DLG3: variants seen among roughly 807,000 people sequenced by gnomAD.
DLG3 encodes the protein disks large homolog 3.
Under a neutral mutation model 64.1 loss-of-function variants are expected in DLG3, and 1 was observed. That is an observed-to-expected ratio of 0.02 (90% CI 0.01 to 0.07). The LOEUF is 0.07. Ranked by LOEUF, DLG3 falls within the 10% of genes least tolerant of loss-of-function variation. DLG3 has a pLI of 1.00. For synonymous variants in DLG3, 245 were observed against 259.8 expected, an observed-to-expected ratio of 0.94 and a Z score of 0.55; for missense variants, 429 against 669.5, an observed-to-expected ratio of 0.64 and a Z score of 3.96.
chrX:70,449,892 G>C, intron 4 of DLG3, 33 bp downstream of exon 4: 5 of 1,164,467 alleles, frequency 4.3e-6, no homozygotes, highest in South Asian at 1.9e-5. Flanking sequence ...GCTCCAGCCA[G>C]AGCCTTAGGC....
Position 70,450,185 on chromosome X carries a change from T to C in DLG3, c.720T>C (p.Ile240=). The change falls in exon 5 of 19, where the codon ATT becomes ATC. Residue 240 remains isoleucine, a synonymous_variant. Transcript: ENST00000374360. The part of the protein sequence containing the change: ...LKGPKGLGFS[I]AGGIGNQHIP... ...CCCGCTCAGGCCTGGGTTTCAGCAT[T>C]GCTGGGGGTATTGGCAACCAGCACA... 8.3e-7 allele frequency: 1 copy of C among 1,211,022 alleles called. No homozygotes were observed.
chrX:70,501,285 G>A (rs996643434), intron 18 of DLG3, among the ~76,000 whole-genome samples: 3 of 110,264 alleles, frequency 2.7e-5, no homozygotes, highest in African/African-American at 6.6e-5. Flanking sequence ...GTCTCCCTCC[G>A]TTTCAGCTCC....
intron 2 of DLG3, 38 bp from the exon 3 acceptor site, chrX:70,449,319 TCA>T (rs2086595558): frequency 8.3e-7 from 1 of 1,208,845 alleles, no homozygotes; most frequent in African/African-American, 1.8e-5. Flanking sequence ...CTTTGTGCCC[TCA>T]GAGTGAACAG....
chrX:70,492,257 G>A lies in DLG3; in HGVS notation c.1671G>A (p.Gln557=), dbSNP rs982541905. 5.0e-6 allele frequency: 6 copies of A among 1,209,778 alleles called. No homozygotes were observed. The highest frequency in any genetic ancestry group is 6.7e-6 in the Non-Finnish European group (6 of 895,286). Residue 557 remains glutamine (Q), a synonymous_variant, in exon 11 of 19, where the codon CAG becomes CAA. Coordinates refer to ENST00000374360, the MANE Select transcript of DLG3 (RefSeq NM_021120.4). ...TGACCCCACACGGAGAAAGTGAGCA[G>A]ATCGGTGTGATCCCCAGTAAGAAGA... ...RLVTPHGESE[Q]IGVIPSKKRV...
At chrX:70,482,129 G>T (rs2087164766) in intron 10 of DLG3, among the ~76,000 whole-genome samples, 2 of 112,404 alleles carry the variant, frequency 1.8e-5, no homozygotes, top group Non-Finnish European at 3.8e-5. Context: ...CTCAACATAA[G>T]GAAGGAAGAG....
intron 16 of DLG3, 70 bp downstream of exon 16, chrX:70,500,119 C>T (rs778296155): frequency 3.3e-4 from 328 of 1,000,504 alleles, no homozygotes; most frequent in Non-Finnish European, 4.3e-4. Context: ...GGATCCTTAT[C>T]CTTCCAACAC....
chrX:70,445,594 C>A, intron 1 of DLG3, 36 bp downstream of exon 1: 1 of 1,142,828 alleles, frequency 8.8e-7, no homozygotes, highest in Non-Finnish European at 1.2e-6. Flanking sequence ...GTGGGGCAAC[C>A]CAGGAGGGCT....
chrX:70,492,723 T>C lies in DLG3; in HGVS notation c.1773+127T>C, dbSNP rs184871796. Reference sequence around the variant, plus strand: ...TCTCTTTTTCAGGGGGCTGGCTCTGTCCTATCAGAACATTGACTGCTTTTC... The same window carrying C: ...TCTCTTTTTCAGGGGGCTGGCTCTGCCCTATCAGAACATTGACTGCTTTTC... On this transcript the variant is annotated intron_variant, in intron 12 of 18. Coordinates refer to ENST00000374360, the MANE Select transcript of DLG3 (RefSeq NM_021120.4). 2.9e-5 allele frequency: 18 copies of C among 621,832 alleles called. No individual in the cohort carries two copies. In the Admixed American group the frequency reaches 4.1e-4, roughly 14 times the overall value. 51.2% of individuals were successfully genotyped at this position (621,832 alleles called of 1,213,427 possible).
Position 70,445,292 on chromosome X carries a change from G to A in DLG3, c.91G>A (p.Gly31Ser), listed in dbSNP as rs771173179. Residue 31 changes from glycine (G) to serine (S), a missense_variant, in exon 1 of 19, where the codon GGC (glycine) becomes AGC (serine). Physicochemically the swap from Gly to Ser is moderately conservative, Grantham distance 56. This residue lies in a region of DLG3 where 123 missense variants were observed against 113.3 expected (regional missense o/e 1.09). Transcript: ENST00000374360. ...ALRRLEPPGY[G>S]DWQVPDPYGP... is the part of the protein sequence containing the mutation. ...GCGGCGCCTCGAGCCTCCGGGCTAC[G>A]GCGACTGGCAAGTCCCCGACCCTTA... is the stretch of plus-strand genomic sequence containing the variant. The A allele has an allele frequency of 2.7e-4, 316 of 1,164,184 alleles. No homozygotes were observed. Among genetic ancestry groups the A allele is most frequent in the Non-Finnish European group, 3.5e-4 (309 of 873,201 alleles).
rs942085978 is a variant in DLG3, at chrX:70,502,766, GAT to G, written c.*506_*507del. The G allele has an allele frequency of 1.9e-5, 2 of 105,495 alleles. No individual in the cohort carries two copies. The highest frequency in any genetic ancestry group is 6.9e-5 in the African/African-American group (2 of 29,187). 8.7% of individuals were successfully genotyped at this position (105,495 alleles called of 1,213,427 possible). On this transcript the variant is annotated 3_prime_UTR_variant, in exon 19 of 19. Transcript: ENST00000374360. The stretch of plus-strand genomic sequence containing the variant: ...ACAGAAAGTATCTTATTTATATATA[GAT>G]ATATATATGTAATTTATATAAAATA...
chrX:70,493,051 C>T (rs1378186179), intron 12 of DLG3, among the ~76,000 whole-genome samples: 1 of 111,505 alleles, frequency 9.0e-6, no homozygotes, highest in African/African-American at 3.3e-5. Context: ...GGAAGAGAGA[C>T]GTGGAGTAGA....
At chrX:70,502,071 G>T (rs1328125780) in intron 18 of DLG3, 92 bp from the exon 19 acceptor site, 16 of 665,075 alleles carry the variant, frequency 2.4e-5, no homozygotes, top group African/African-American at 8.7e-5. Context: ...GTGGAGGGGG[G>T]ACTTGTAGGA....
rs749634953 is a variant in DLG3 at position 70,445,491 on chromosome X, A to G, written c.290A>G (p.Lys97Arg). 1.7e-6 allele frequency: 2 copies of G among 1,199,057 alleles called. No homozygotes were observed. The highest frequency in any genetic ancestry group is 3.6e-5 in the South Asian group (2 of 54,839). The change falls in exon 1 of 19, where the codon AAA becomes AGA. Residue 97 changes from lysine (K) to arginine (R), a missense_variant. By Grantham distance (26) the Lys-to-Arg change is conservative. This residue lies in a region of DLG3 where 123 missense variants were observed against 113.3 expected (regional missense o/e 1.09). Coordinates refer to ENST00000374360, the MANE Select transcript of DLG3 (RefSeq NM_021120.4). ...PKPVPGKSTPKLNGSGPSWWP... is the reference protein window; with the variant it reads ...PKPVPGKSTPRLNGSGPSWWP... ...CCAGTCCCGGGCAAGAGCACCCCCA[A>G]ACTCAACGGCAGCGGCCCCAGCTGG...
intron 10 of DLG3, among the ~76,000 whole-genome samples, chrX:70,479,575 G>A (rs1178660444): frequency 1.8e-5 from 2 of 111,718 alleles, no homozygotes; most frequent in African/African-American, 6.5e-5. Flanking sequence ...TACTTTGCTT[G>A]CAATCTGTGC....
intron 9 of DLG3, among the ~76,000 whole-genome samples, chrX:70,474,799 G>C (rs192796872): frequency 3.6e-5 from 4 of 111,512 alleles, no homozygotes; most frequent in African/African-American, 1.3e-4. Context: ...TAACCAAAAG[G>C]CTCATTAAAC....
chrX:70,468,261 G>GT (rs1185577738), intron 9 of DLG3, among the ~76,000 whole-genome samples: 2 of 111,100 alleles, frequency 1.8e-5, no homozygotes, highest in African/African-American at 6.6e-5. Context: ...GTAGAGATGG[G>GT]TTTTCACCAT....
chrX:70,445,144 T>C lies in DLG3; in HGVS notation c.-58T>C, dbSNP rs1042702642. 2.6e-5 allele frequency: 25 copies of C among 965,698 alleles called. No homozygotes were observed. The African/African-American group carries it at 4.5e-4, about 17-fold the overall frequency. The allele number at this position is 965,698 out of a possible 1,213,427, so 79.6% of individuals were successfully genotyped here. A position where few individuals can be genotyped will look rare whatever the true frequency, so the allele number is the denominator to read the frequency against. ...GCGGCGGCGGCGGTGGTGGCGGCGG[T>C]GGCGGCGGCGTGGAATCCGGCGTGG... On this transcript the variant is annotated 5_prime_UTR_variant, in exon 1 of 19. Transcript: ENST00000374360.
intron 9 of DLG3, among the ~76,000 whole-genome samples, chrX:70,471,074 G>T (rs1418821017): frequency 9.1e-6 from 1 of 110,212 alleles, no homozygotes; most frequent in Non-Finnish European, 1.9e-5. Flanking sequence ...GAATCACAGA[G>T]TCCAGGTTTG....
chrX:70,487,388 A>T (rs2087271934), intron 10 of DLG3, among the ~76,000 whole-genome samples: 1 of 111,426 alleles, frequency 9.0e-6, no homozygotes, highest in Admixed American at 9.5e-5. Flanking sequence ...AGCTGGAAGG[A>T]CCTCTCCCCA....
Sources: gnomAD v4.1 joint callset for allele counts (sites outside exome capture counted in the v4.1 genomes callset) on GRCh38, gnomAD v4.1.1 for gene constraint, gnomAD v4.1.1 regional missense constraint, MANE v1.5 for transcripts, NCBI Gene and HGNC (gene_info 2026-07-23, HGNC 2026-07-21) for gene names.